The following FOXP1 variants were observed in gnomAD, a reference collection of about 807,000 sequenced individuals.
FOXP1 encodes the protein forkhead box P1.
A neutral mutation model predicts 98.2 loss-of-function variants in FOXP1; 15 were observed. The observed-to-expected ratio is 0.15, with a 90% CI of 0.10 to 0.24. The LOEUF (loss-of-function observed/expected upper bound fraction) is 0.24, where lower values mean the gene tolerates loss of function less well. Among genes scored for constraint, FOXP1 ranks in the 10% least tolerant of loss-of-function variants. The pLI is 1.00. For synonymous variants in FOXP1, 371 were observed against 314.5 expected, an observed-to-expected ratio of 1.18 and a Z score of -1.90; for missense variants, 633 against 848.5, an observed-to-expected ratio of 0.75 and a Z score of 3.15.
At chr3:71,355,292 G>A (rs886098477) in intron 4 of FOXP1, among the ~76,000 whole-genome samples, 5 of 152,202 alleles carry the variant, frequency 3.3e-5, no homozygotes, top group Non-Finnish European at 7.3e-5. Context: ...TGCTAGCCAT[G>A]GAGAAGCCAC....
At chr3:71,228,000 C>A (rs1183868493) in intron 5 of FOXP1, among the ~76,000 whole-genome samples, 2 of 121,410 alleles carry the variant, frequency 1.6e-5, no homozygotes, top group African/African-American at 3.4e-5. Flanking sequence ...GGAATCAAAT[C>A]AATATCATGG....
chr3:71,486,285 G>T (rs1255929767), intron 3 of FOXP1, among the ~76,000 whole-genome samples: 1 of 152,188 alleles, frequency 6.6e-6, no homozygotes, highest in Non-Finnish European at 1.5e-5. Flanking sequence ...CATAGGAAAA[G>T]TAAGTGCCTG....
At chr3:70,973,781 A>G (rs947284728) in intron 17 of FOXP1, among the ~76,000 whole-genome samples, 2 of 150,424 alleles carry the variant, frequency 1.3e-5, no homozygotes, top group Non-Finnish European at 3.0e-5. Context: ...CACACTGGGT[A>G]AAGTCCTCAC....
At chr3:71,443,517 T>C (rs1287067350) in intron 3 of FOXP1, among the ~76,000 whole-genome samples, 6 of 152,080 alleles carry the variant, frequency 3.9e-5, no homozygotes, top group Non-Finnish European at 8.8e-5. Context: ...CACACTCGAG[T>C]TGGAAAGCCA....
At chr3:71,166,885 C>T (rs1206809504) in intron 6 of FOXP1, among the ~76,000 whole-genome samples, 1 of 152,034 alleles carries the variant, frequency 6.6e-6, no homozygotes, top group African/African-American at 2.4e-5. Context: ...GAATTGTGTG[C>T]ATTCCCATCA....
At chr3:71,128,388 T>A (rs903915235) in intron 6 of FOXP1, among the ~76,000 whole-genome samples, 2 of 152,116 alleles carry the variant, frequency 1.3e-5, no homozygotes, top group African/African-American at 4.8e-5. Flanking sequence ...AGGAATCAAT[T>A]TGAGATAATG....
intron 5 of FOXP1, among the ~76,000 whole-genome samples, chr3:71,258,442 G>A (rs2068820454): frequency 6.6e-6 from 1 of 152,198 alleles, no homozygotes; most frequent in South Asian, 2.1e-4. Flanking sequence ...TAAGCTCTGT[G>A]AGCATTCCTG....
chr3:71,069,811 G>A (rs191273686), intron 7 of FOXP1, among the ~76,000 whole-genome samples: 3 of 152,274 alleles, frequency 2.0e-5, no homozygotes, highest in Admixed American at 2.0e-4. Context: ...TTTTTTTAAC[G>A]TTTACTTATG....
chr3:71,227,349 A>G (rs2065921020), intron 5 of FOXP1, among the ~76,000 whole-genome samples: 1 of 152,194 alleles, frequency 6.6e-6, no homozygotes, highest in African/African-American at 2.4e-5. Flanking sequence ...GAGCCCTCTG[A>G]TATAATGAGT....
chr3:71,027,120 A>G (rs779090193), intron 11 of FOXP1, among the ~76,000 whole-genome samples: 5 of 152,178 alleles, frequency 3.3e-5, no homozygotes, highest in Non-Finnish European at 7.3e-5. Context: ...AGGGATCACT[A>G]ATCCAAAAGT....
intron 4 of FOXP1, among the ~76,000 whole-genome samples, chr3:71,344,162 T>G (rs2077186520): frequency 6.6e-6 from 1 of 152,208 alleles, no homozygotes; most frequent in South Asian, 2.1e-4. Context: ...CTAAGAATGT[T>G]CCAGGACCTT....
At chr3:71,381,772 C>A (rs545534886) in intron 3 of FOXP1, among the ~76,000 whole-genome samples, 51 of 152,182 alleles carry the variant, frequency 3.4e-4, no homozygotes, top group Non-Finnish European at 6.0e-4. Flanking sequence ...CAAAGAACTC[C>A]TTTTAGTAAA....
rs540904526 is a variant in FOXP1, at chr3:71,237,374, T to C, written c.-11-38982A>G. Among the ~76,000 whole-genome samples the C allele has an allele frequency of 1.8e-4, 28 of 152,206 alleles. 1 individual carries two copies. In the South Asian group the frequency reaches 5.6e-3, roughly 30 times the overall value. ...TTCTTCTTTTTTTCTACTAAGTCTT[T>C]GGATGCCAGCATATATTTTATACAT... On this transcript the variant is annotated intron_variant, in intron 5 of 20. Transcript: ENST00000649528.
At chr3:71,376,346 G>C (rs1045001377) in intron 3 of FOXP1, among the ~76,000 whole-genome samples, 2 of 152,086 alleles carry the variant, frequency 1.3e-5, no homozygotes, top group African/African-American at 4.8e-5. Flanking sequence ...ATAAATACTT[G>C]TCTCCACTGA....
At chr3:71,268,209 G>C (rs1270566833) in intron 5 of FOXP1, among the ~76,000 whole-genome samples, 3 of 149,266 alleles carry the variant, frequency 2.0e-5, no homozygotes, top group African/African-American at 7.4e-5. Context: ...TCCTGCCTCA[G>C]ACTCCCGAGT....
intron 3 of FOXP1, among the ~76,000 whole-genome samples, chr3:71,416,155 GAAACAAAGATGTGTATAA>G: frequency 6.6e-6 from 1 of 152,112 alleles, no homozygotes; most frequent in African/African-American, 2.4e-5. Flanking sequence ...AATCAAAATA[GAAACAAAGATGTGTATAA>G]AACCGAAAGG....
chr3:71,268,090 C>CCTTTT lies in FOXP1; in HGVS notation c.-12+31729_-12+31730insAAAAG, dbSNP rs1553808991. ...CAGCTTCTTTTTTTTCTTTTCTTTTCTTTTTTTTTTTTTTTTTTGAGACAG... is the reference window on the plus strand; with the variant it reads ...CAGCTTCTTTTTTTTCTTTTCTTTTCCTTTTTTTTTTTTTTTTTTTTTTGAGACAG... On this transcript the variant is annotated intron_variant, in intron 5 of 20. Coordinates refer to ENST00000649528, the MANE Select transcript of FOXP1 (RefSeq NM_001349338.3). Among the ~76,000 whole-genome samples, 7 of 100,390 alleles carry CCTTTT rather than the reference C, an allele frequency of 7.0e-5. 1 individual carries two copies. The highest frequency in any genetic ancestry group is 3.3e-4 in the East Asian group (1 of 3,072). The allele number at this position is 100,390 out of a possible 152,430, so 65.9% of individuals were successfully genotyped here. A position where few individuals can be genotyped will look rare whatever the true frequency, so the allele number is the denominator to read the frequency against.
chr3:71,095,041 T>C (rs2056319079), intron 7 of FOXP1, among the ~76,000 whole-genome samples: 1 of 152,262 alleles, frequency 6.6e-6, no homozygotes, highest in South Asian at 2.1e-4. Context: ...CACCGTGTCA[T>C]GCAAAATGGT....
At chr3:71,446,942 C>T (rs2086502342) in intron 3 of FOXP1, among the ~76,000 whole-genome samples, 1 of 152,232 alleles carries the variant, frequency 6.6e-6, no homozygotes, top group Non-Finnish European at 1.5e-5. Flanking sequence ...CAGGCAGTTG[C>T]TTCAATGGAT....
Sources: allele counts gnomAD v4.1 joint callset (sites outside exome capture counted in the v4.1 genomes callset), GRCh38; gene constraint gnomAD v4.1.1; transcripts MANE v1.5; gene names NCBI Gene and HGNC (gene_info 2026-07-23, HGNC 2026-07-21).